The following ZNF385D variants were observed in gnomAD, a reference collection of about 807,000 sequenced individuals.
ZNF385D encodes zinc finger protein 659.
A neutral mutation model predicts 35.8 loss-of-function variants in ZNF385D; 15 were observed. The observed-to-expected ratio is 0.42, with a 90% confidence interval of 0.28 to 0.64. ZNF385D has a LOEUF of 0.64. ZNF385D is among the 30% of genes least tolerant of loss of function. The probability of loss-of-function intolerance (pLI) is 0.23; values close to 1 mark genes in which losing one functional copy is unlikely to be tolerated. For synonymous variants in ZNF385D, 212 were observed against 186.8 expected, an observed-to-expected ratio of 1.13 and a Z score of -1.10; for missense variants, 474 against 494.6, an observed-to-expected ratio of 0.96 and a Z score of 0.39.
chr3:21,806,548 T>A (rs2072658798), intron 3 of ZNF385D, among the ~76,000 whole-genome samples: 1 of 152,176 alleles, frequency 6.6e-6, no homozygotes, highest in Non-Finnish European at 1.5e-5. Flanking sequence ...AGAACATGTA[T>A]ACGTGAAACC....
intron 3 of ZNF385D, among the ~76,000 whole-genome samples, chr3:22,063,881 C>G (rs1478436436): frequency 6.6e-6 from 1 of 152,210 alleles, no homozygotes; most frequent in Non-Finnish European, 1.5e-5. Context: ...CTGGCTGAGG[C>G]CTTTGTTTTG....
rs144502011 is a variant in ZNF385D at position 21,441,203 on chromosome 3, G to A, written c.440-4000C>T. ...TGCTATATTCTTGCACTTATACTTG[G>A]CATGAAATGGGCACTCAATAAATAT... On this transcript the variant is annotated intron_variant, in intron 4 of 7. Transcript: ENST00000281523. Among the ~76,000 whole-genome samples, 299 of 152,048 alleles carry A rather than the reference G, an allele frequency of 2.0e-3. 5 individuals carry two copies. In the East Asian group the frequency reaches 0.024, roughly 12 times the overall value.
chr3:21,531,392 A>G (rs926938505), intron 3 of ZNF385D, among the ~76,000 whole-genome samples: 2 of 152,194 alleles, frequency 1.3e-5, no homozygotes, highest in African/African-American at 2.4e-5. Context: ...TAAGGCAGCA[A>G]TCATGCTCTC....
At chr3:21,991,643 A>G (rs1695157054) in intron 3 of ZNF385D, among the ~76,000 whole-genome samples, 1 of 152,192 alleles carries the variant, frequency 6.6e-6, no homozygotes, top group Non-Finnish European at 1.5e-5. Flanking sequence ...GTATTATGGC[A>G]CGTCTTCAAC....
At chr3:22,048,842 G>A (rs551062172) in intron 3 of ZNF385D, among the ~76,000 whole-genome samples, 3 of 152,182 alleles carry the variant, frequency 2.0e-5, no homozygotes, top group Non-Finnish European at 4.4e-5. Flanking sequence ...GGATAGTACG[G>A]ACAATAATAA....
At chr3:21,785,603 T>G (rs1022861315) in intron 3 of ZNF385D, among the ~76,000 whole-genome samples, 1 of 152,218 alleles carries the variant, frequency 6.6e-6, no homozygotes, top group African/African-American at 2.4e-5. Flanking sequence ...ACTCACTGAT[T>G]CTATAAATTT....
chr3:22,052,935 G>T (rs1283555040), intron 3 of ZNF385D, among the ~76,000 whole-genome samples: 7 of 60,292 alleles, frequency 1.2e-4, no homozygotes, highest in African/African-American at 4.6e-4. Context: ...GTCTGCAGAG[G>T]TTACTGCTGT....
chr3:21,597,462 A>T (rs1475176891), intron 2 of ZNF385D, among the ~76,000 whole-genome samples: 1 of 152,240 alleles, frequency 6.6e-6, no homozygotes, highest in Non-Finnish European at 1.5e-5. Flanking sequence ...TATTGGTAAC[A>T]TACAAATGAA....
At chr3:21,448,135 C>T (rs1472391109) in intron 4 of ZNF385D, among the ~76,000 whole-genome samples, 1 of 152,008 alleles carries the variant, frequency 6.6e-6, no homozygotes, top group African/African-American at 2.4e-5. Context: ...CAACACATTG[C>T]TCAGACATCT....
chr3:21,870,868 C>T (rs1442379283), intron 3 of ZNF385D, among the ~76,000 whole-genome samples: 1 of 152,028 alleles, frequency 6.6e-6, no homozygotes, highest in East Asian at 1.9e-4. Flanking sequence ...CTCATTTATC[C>T]ATCACTACCA....
In ZNF385D at chr3:22,344,177, G is replaced by GGTGTGTGTGTGTGTGT. The variant is rs571896117; in HGVS notation, c.106+28257_106+28272dup. Among the ~76,000 whole-genome samples, 246 of 140,834 alleles carry GGTGTGTGTGTGTGTGT rather than the reference G, an allele frequency of 1.7e-3. 1 individual carries two copies. The highest frequency in any genetic ancestry group is 5.3e-3 in the African/African-American group (196 of 37,072). The allele number at this position is 140,834 out of a possible 152,430, so 92.4% of individuals were successfully genotyped here. On this transcript the variant is annotated intron_variant, in intron 2 of 5. Transcript: ENST00000494108. ...TAGGCACATGGGTAGGGTGGGGTGG[G>GGTGTGTGTGTGTGTGT]GTGTGTGTGTGTGTGTGTGTGTGTG...
At chr3:22,316,013 A>G (rs1391383593) in intron 2 of ZNF385D, among the ~76,000 whole-genome samples, 5 of 152,248 alleles carry the variant, frequency 3.3e-5, no homozygotes, top group Non-Finnish European at 7.4e-5. Flanking sequence ...TAACATTACT[A>G]TTGTCAAACC....
At chr3:21,837,138 T>C (rs891850057) in intron 3 of ZNF385D, among the ~76,000 whole-genome samples, 3 of 152,162 alleles carry the variant, frequency 2.0e-5, no homozygotes, top group African/African-American at 4.8e-5. Context: ...AAATTTTTTT[T>C]ATATGTCATT....
chr3:21,568,728 T>C (rs1000865893), intron 2 of ZNF385D, among the ~76,000 whole-genome samples: 3 of 152,186 alleles, frequency 2.0e-5, no homozygotes, highest in East Asian at 3.8e-4. Context: ...GTTTTTATTT[T>C]TGTTTTTTAA....
At position 21,420,750 on chromosome 3, in the gene ZNF385D, G is replaced by C. The variant is rs539430244; in HGVS notation, c.*464C>G. ...CATAGCAAGAGGACCAGCACGGGTA[G>C]TACTATTCACAGTGTTGCTTTTGTT... is the stretch of plus-strand genomic sequence containing the variant. On this transcript the variant is annotated 3_prime_UTR_variant, in exon 8 of 8. Transcript: ENST00000281523. 1.1e-3 allele frequency: 168 copies of C among 157,706 alleles called. 4 individuals are homozygous for C. The South Asian group carries it at 0.03, about 28-fold the overall frequency. 9.8% of individuals were successfully genotyped at this position (157,706 alleles called of 1,614,324 possible). A position where few individuals can be genotyped will look rare whatever the true frequency, so the allele number is the denominator to read the frequency against.
Position 22,215,822 on chromosome 3 carries a change from G to A in ZNF385D, c.107-46787C>T, listed in dbSNP as rs143443721. ...GGTTTTACGGCTCAAGGGGCATCACGGAACCTGCCGACATGTGATGTCTCC... is the reference window on the plus strand; with the variant it reads ...GGTTTTACGGCTCAAGGGGCATCACAGAACCTGCCGACATGTGATGTCTCC... On this transcript the variant is annotated intron_variant, in intron 2 of 5. Coordinates refer to the ZNF385D transcript ENST00000494108. Among the ~76,000 whole-genome samples, 1,302 of 151,902 alleles carry A rather than the reference G, an allele frequency of 8.6e-3. 11 individuals carry two copies. The highest frequency in any genetic ancestry group is 0.013 in the Non-Finnish European group (908 of 67,952).
At chr3:21,610,026 A>C (rs1441976604) in intron 2 of ZNF385D, among the ~76,000 whole-genome samples, 1 of 152,148 alleles carries the variant, frequency 6.6e-6, no homozygotes, top group East Asian at 1.9e-4. Flanking sequence ...CTTCTAAGCA[A>C]AACAGCGTGT....
At chr3:21,621,192 TTTGC>T (rs79245104) in intron 2 of ZNF385D, among the ~76,000 whole-genome samples, 31,295 of 151,928 alleles carry the variant, frequency 0.21, 4,057 homozygotes, top group African/African-American at 0.38. Flanking sequence ...TAATTATGCA[TTTGC>T]TTGCTGTCTA....
chr3:21,704,898 C>T (rs2067842517), intron 1 of ZNF385D, among the ~76,000 whole-genome samples: 1 of 152,112 alleles, frequency 6.6e-6, no homozygotes, highest in African/African-American at 2.4e-5. Context: ...ATAAGCTTAA[C>T]CCTAGCATCC....
Sources: allele counts gnomAD v4.1 joint callset (sites outside exome capture counted in the v4.1 genomes callset), GRCh38; gene constraint gnomAD v4.1.1; transcripts MANE v1.5; gene names NCBI Gene and HGNC (gene_info 2026-07-23, HGNC 2026-07-21).